The following BPGM variants were observed in gnomAD, a reference collection of about 807,000 sequenced individuals.
BPGM encodes the protein 2,3-bisphosphoglycerate mutase, erythrocyte.
BPGM carries 15 observed loss-of-function variants against 21.6 expected under a neutral mutation model. The ratio of observed to expected loss-of-function variants is 0.70; its 90% CI spans 0.47 to 1.07. BPGM has a LOEUF of 1.07. Among genes scored for constraint, BPGM ranks in the 50% least tolerant of loss-of-function variants. BPGM has a pLI of 0.00. For synonymous variants in BPGM, 113 were observed against 116.2 expected, an observed-to-expected ratio of 0.97 and a Z score of 0.18; for missense variants, 273 against 319.0, an observed-to-expected ratio of 0.86 and a Z score of 1.10.
chr7:134,675,144 G>C (rs1366598525), intron 2 of BPGM, among the ~76,000 whole-genome samples: 1 of 152,028 alleles, frequency 6.6e-6, no homozygotes, highest in Non-Finnish European at 1.5e-5. Flanking sequence ...TCTTATATCT[G>C]ATAAGGAACT....
rs1201563126 is a variant in BPGM, at chr7:134,661,625, A to G, written c.118A>G (p.Asn40Asp). ...LNSEGMEEAR[N>D]CGKQLKALNF... ...CAGCGAAGGAATGGAGGAAGCTCGG[A>G]ACTGTGGGAAGCAACTCAAAGCGTT... Residue 40 changes from asparagine (N) to aspartate (D), a missense_variant, in exon 2 of 3, where the codon AAC (asparagine) becomes GAC (aspartate). Physicochemically the swap from Asn to Asp is conservative, Grantham distance 23. Coordinates refer to ENST00000344924, the MANE Select transcript of BPGM (RefSeq NM_001724.5). The surrounding 1 kb of genome is among the most constrained non-coding windows in gnomAD (Gnocchi z 4.6). The G allele has an allele frequency of 3.1e-6, 5 of 1,614,158 alleles. No individual in the cohort carries two copies. In the South Asian group the frequency reaches 3.3e-5, roughly 11 times the overall value.
intron 2 of BPGM, among the ~76,000 whole-genome samples, chr7:134,667,332 T>C (rs1469113521): frequency 6.6e-6 from 1 of 152,224 alleles, no homozygotes; most frequent in Non-Finnish European, 1.5e-5. Context: ...ATGCCTGTTG[T>C]CCGAATGTAA....
intron 1 of BPGM, among the ~76,000 whole-genome samples, chr7:134,655,574 A>T (rs1157555717): frequency 1.3e-5 from 2 of 152,210 alleles, no homozygotes; most frequent in Non-Finnish European, 2.9e-5. Context: ...ATGGCCATCC[A>T]TGAACATACT....
intron 1 of BPGM, among the ~76,000 whole-genome samples, chr7:134,652,909 G>T (rs1795578741): frequency 6.6e-6 from 1 of 152,072 alleles, no homozygotes; most frequent in Non-Finnish European, 1.5e-5. Context: ...CCATATCTTG[G>T]CTATTGTGAA....
chr7:134,648,672 ACT>A (rs200963108), intron 1 of BPGM, among the ~76,000 whole-genome samples: 1,782 of 133,990 alleles, frequency 0.013, 19 homozygotes, highest in Non-Finnish European at 0.02. Flanking sequence ...TTCAACTGTG[ACT>A]CTTAATTTTT....
chr7:134,648,490 T>C (rs1795505908), intron 1 of BPGM, among the ~76,000 whole-genome samples: 1 of 152,148 alleles, frequency 6.6e-6, no homozygotes. Context: ...TTCTTAGCCA[T>C]CTTTGTATTC....
intron 1 of BPGM, among the ~76,000 whole-genome samples, chr7:134,650,625 A>G (rs962606257): frequency 1.3e-5 from 2 of 152,192 alleles, no homozygotes; most frequent in African/African-American, 4.8e-5. Flanking sequence ...TAGTTTGTTA[A>G]GACATTAAAA....
intron 1 of BPGM, among the ~76,000 whole-genome samples, chr7:134,647,853 A>G (rs1795485362): frequency 6.6e-6 from 1 of 152,126 alleles, no homozygotes; most frequent in Non-Finnish European, 1.5e-5. Context: ...GAGCGACTGC[A>G]GTGGCTCGAT....
At chr7:134,651,356 A>G (rs895239199) in intron 1 of BPGM, among the ~76,000 whole-genome samples, 1 of 152,150 alleles carries the variant, frequency 6.6e-6, no homozygotes, top group African/African-American at 2.4e-5. Context: ...GGTCTTAGGC[A>G]TTATTAACTT....
intron 1 of BPGM, among the ~76,000 whole-genome samples, chr7:134,657,180 C>T (rs1353259870): frequency 3.3e-5 from 5 of 152,180 alleles, no homozygotes; most frequent in East Asian, 3.8e-4. Context: ...CATTGTGCCT[C>T]GCATTATATC....
At chr7:134,669,640 G>T (rs546212942) in intron 2 of BPGM, among the ~76,000 whole-genome samples, 1 of 152,148 alleles carries the variant, frequency 6.6e-6, no homozygotes, top group East Asian at 1.9e-4. Context: ...CCTAAGACAG[G>T]CTTCCTGGCT....
At chr7:134,650,199 C>T (rs1795534256) in intron 1 of BPGM, among the ~76,000 whole-genome samples, 1 of 152,178 alleles carries the variant, frequency 6.6e-6, no homozygotes, top group South Asian at 2.1e-4. Flanking sequence ...AGCTACTACC[C>T]TGGGGAAGAC....
At chr7:134,675,353 C>CT (rs1562972350) in intron 2 of BPGM, among the ~76,000 whole-genome samples, 1 of 151,978 alleles carries the variant, frequency 6.6e-6, no homozygotes, top group Non-Finnish European at 1.5e-5. Flanking sequence ...ACTCCTATGG[C>CT]TTTTTTTCTA....
intron 1 of BPGM, among the ~76,000 whole-genome samples, chr7:134,651,735 T>G (rs1272103035): frequency 6.6e-6 from 1 of 152,228 alleles, no homozygotes; most frequent in Non-Finnish European, 1.5e-5. Context: ...GGTGGCATTA[T>G]GGAAAGAATA....
chr7:134,650,235 T>A (rs1585850141), intron 1 of BPGM, among the ~76,000 whole-genome samples: 1 of 152,058 alleles, frequency 6.6e-6, no homozygotes, highest in African/African-American at 2.4e-5. Flanking sequence ...GAAGGAGGGG[T>A]CCGTCATGAG....
intron 2 of BPGM, among the ~76,000 whole-genome samples, chr7:134,667,850 G>A (rs905094139): frequency 1.3e-5 from 2 of 152,154 alleles, no homozygotes; most frequent in Non-Finnish European, 1.5e-5. Flanking sequence ...GGGGCGGAGT[G>A]TGGTAACGGA....
At chr7:134,677,201 T>C (rs1461282862) in intron 2 of BPGM, among the ~76,000 whole-genome samples, 2 of 152,218 alleles carry the variant, frequency 1.3e-5, no homozygotes, top group Admixed American at 6.5e-5. Context: ...AAGCCACCCC[T>C]TTTATCCCAC....
At chr7:134,667,764 T>G (rs1052186183) in intron 2 of BPGM, among the ~76,000 whole-genome samples, 1 of 152,210 alleles carries the variant, frequency 6.6e-6, no homozygotes, top group African/African-American at 2.4e-5. Context: ...TAAAATGGGC[T>G]CTTTCAAGGG....
intron 1 of BPGM, among the ~76,000 whole-genome samples, chr7:134,648,453 C>T (rs1465293011): frequency 1.3e-5 from 2 of 151,990 alleles, no homozygotes; most frequent in African/African-American, 2.4e-5. Context: ...TTTTGAACTG[C>T]CTCCCGTGAG....
Sources: gnomAD v4.1 joint callset for allele counts (sites outside exome capture counted in the v4.1 genomes callset) on GRCh38, gnomAD v4.1.1 for gene constraint, Gnocchi (gnomAD v3.1) non-coding constraint, MANE v1.5 for transcripts, NCBI Gene and HGNC (gene_info 2026-07-23, HGNC 2026-07-21) for gene names.